The following GALE variants were observed in gnomAD, a reference collection of about 807,000 sequenced individuals.
GALE encodes UDP-glucose 4-epimerase.
In GALE, 32 loss-of-function variants were observed where a neutral mutation model predicts 44.1. The ratio of observed to expected loss-of-function variants is 0.73; its 90% CI spans 0.55 to 0.97. The LOEUF (loss-of-function observed/expected upper bound fraction) is 0.97, where lower values mean the gene tolerates loss of function less well. Ranked by LOEUF, GALE falls within the 50% of genes least tolerant of loss-of-function variation. The pLI, the probability that GALE is intolerant of heterozygous loss-of-function variation, is 0.00. For missense variants in GALE, 423 were observed against 455.6 expected, an observed-to-expected ratio of 0.93 and a Z score of 0.65; for synonymous variants, 182 against 183.5, an observed-to-expected ratio of 0.99 and a Z score of 0.06.
rs1638949138 is a variant in GALE, at chr1:23,796,356, G to A, written c.874-91C>T. 3 of 1,457,626 alleles carry A rather than the reference G, an allele frequency of 2.1e-6. No homozygotes were observed. Among genetic ancestry groups the A allele is most frequent in the South Asian group, 2.3e-5 (2 of 87,374 alleles). The allele number at this position is 1,457,626 out of a possible 1,614,324, so 90.3% of individuals were successfully genotyped here. On this transcript the variant is annotated intron_variant, in intron 10 of 11. Transcript: ENST00000617979. The surrounding 1 kb of genome is among the most constrained non-coding windows in gnomAD (Gnocchi z 5.2). ...TAAGAAGCAGAAGTGCAGAGCAGCG[G>A]CTGGCCCGCAGGCACCGGGTGCTAG...
In GALE at chr1:23,795,804, G is replaced by A. The variant is rs1638927333; in HGVS notation, c.*145C>T. ...TGGTCAGTGGAGCCCTTGGCCTCAT[G>A]CCTGGTGGGCTAAGCGGGCCCAGCT... On this transcript the variant is annotated 3_prime_UTR_variant, in exon 12 of 12. Coordinates refer to ENST00000617979, the MANE Select transcript of GALE (RefSeq NM_001008216.2). 2 of 763,210 alleles carry A rather than the reference G, an allele frequency of 2.6e-6. No individual in the cohort carries two copies. Among genetic ancestry groups the A allele is most frequent in the Admixed American group, 2.1e-5 (1 of 48,326 alleles). The allele number at this position is 763,210 out of a possible 1,614,324, so 47.3% of individuals were successfully genotyped here. A position where few individuals can be genotyped will look rare whatever the true frequency, so the allele number is the denominator to read the frequency against.
In GALE at chr1:23,796,903, T is replaced by C. The variant is rs1638974565; in HGVS notation, c.682A>G (p.Asn228Asp). Residue 228 changes from asparagine to aspartate, a missense_variant, in exon 8 of 12, where the codon AAT becomes GAT. Physicochemically the swap from Asn to Asp is conservative, Grantham distance 23. Transcript: ENST00000617979. The surrounding 1 kb of genome is among the most constrained non-coding windows in gnomAD (Gnocchi z 5.2). ...GRREALNVFG[N>D]DYDTEDGTGV... ...GTGCCATCCTCTGTGTCATAGTCAT[T>C]GCCAAAGACATTCAGGGCCTCCCGT... 6.2e-7 allele frequency: 1 copy of C among 1,613,874 alleles called. No homozygotes were observed. Among genetic ancestry groups the C allele is most frequent in the African/African-American group, 1.3e-5 (1 of 75,040 alleles).
rs759554542 is a variant in GALE, at chr1:23,798,599, C to T, written c.237+16G>A. Reference sequence around the variant, plus strand: ...GGAATTACAGGCGTGAGCCACCGTGCCCAGCCTGCACCCACCTTTTTGAAG... The same window carrying T: ...GGAATTACAGGCGTGAGCCACCGTGTCCAGCCTGCACCCACCTTTTTGAAG... On this transcript the variant is annotated intron_variant, in intron 4 of 11. Coordinates refer to ENST00000617979, the MANE Select transcript of GALE (RefSeq NM_001008216.2). The surrounding 1 kb of genome is among the most constrained non-coding windows in gnomAD (Gnocchi z 4.5). 4.4e-6 allele frequency: 7 copies of T among 1,580,816 alleles called. No homozygotes were observed. The highest frequency in any genetic ancestry group is 2.7e-5 in the African/African-American group (2 of 74,410).
intron 6 of GALE, 57 bp downstream of exon 6, chr1:23,797,638 G>A (rs986568225): frequency 1.8e-5 from 28 of 1,527,898 alleles, no homozygotes; most frequent in Non-Finnish European, 2.5e-5. Flanking sequence ...GGCTCAGGGT[G>A]GGCCCTGAGG....
rs764669674 is a variant in GALE at position 23,796,558 on chromosome 1, T to G, written c.824A>C (p.Tyr275Ser). 3.5e-5 allele frequency: 56 copies of G among 1,613,884 alleles called. No homozygotes were observed. Among genetic ancestry groups the G allele is most frequent in the Non-Finnish European group, 4.4e-5 (52 of 1,179,994 alleles). ...AGCCTGGACCATCTGCAGCACTGAA[T>G]AGCCTGTGCCCGTGCCCAGGTTGTA... is the stretch of plus-strand genomic sequence containing the variant. ...RIYNLGTGTG[Y>S]SVLQMVQAME... The change falls in exon 10 of 12, where the codon TAT becomes TCT. Residue 275 changes from tyrosine to serine, a missense_variant. Transcript: ENST00000617979. This position sits in a 1 kb window ranked among gnomAD's most constrained non-coding sequence, Gnocchi z 5.2.
chr1:23,798,951 C>T lies in GALE; in HGVS notation c.57G>A (p.Val19=). 1 of 1,614,168 alleles carries T rather than the reference C, an allele frequency of 6.2e-7. No individual in the cohort carries two copies. The highest frequency in any genetic ancestry group is 1.1e-5 in the South Asian group (1 of 91,084). The change falls in exon 3 of 12, where the codon GTG becomes GTA. Residue 19 remains valine (V), a synonymous_variant. Transcript: ENST00000617979. The surrounding 1 kb of genome is among the most constrained non-coding windows in gnomAD (Gnocchi z 4.5). ...AGTAGCCAGCCTCCAGCAGCTCCAG[C>T]ACCGTGTGGCTGCCAATGTAGCCAG... ...GGAGYIGSHT[V]LELLEAGYLP...
rs1639047692 is a variant in GALE, at chr1:23,798,871, C to A, written c.121+16G>T. The A allele has an allele frequency of 2.5e-6, 4 of 1,614,176 alleles. No individual in the cohort carries two copies. Among genetic ancestry groups the A allele is most frequent in the Non-Finnish European group, 3.4e-6 (4 of 1,180,038 alleles). On this transcript the variant is annotated intron_variant, in intron 3 of 11. Coordinates refer to ENST00000617979, the MANE Select transcript of GALE (RefSeq NM_001008216.2). This position sits in a 1 kb window ranked among gnomAD's most constrained non-coding sequence, Gnocchi z 4.5. ...GCCATCCCCTCAAGTAGCCCCAGCC[C>A]CACTGCCCCGCTCACCACGGAAGGC...
chr1:23,797,864 T>G lies in GALE; in HGVS notation c.359A>C (p.Lys120Thr), dbSNP rs1272818104. The G allele has an allele frequency of 1.2e-6, 2 of 1,614,210 alleles. No individual in the cohort carries two copies. The highest frequency in any genetic ancestry group is 4.5e-5 in the East Asian group (2 of 44,886). Reference protein sequence around the residue: ...TGTIQLLEIMKAHGVKNLVFS... With the variant: ...TGTIQLLEIMTAHGVKNLVFS... ...CACCAGGTTCTTCACCCCGTGGGCC[T>G]TCATGATCTGGCCGTGGAGAGATGG... The change falls in exon 6 of 12, where the codon AAG becomes ACG. Residue 120 changes from lysine (K) to threonine (T), a missense_variant. Lys to Thr is a moderately conservative substitution (Grantham distance 78). Coordinates refer to ENST00000617979, the MANE Select transcript of GALE (RefSeq NM_001008216.2).
At position 23,795,912 on chromosome 1, in the gene GALE, G is replaced by A. The variant is rs748703932; in HGVS notation, c.*37C>T. 17 of 1,598,524 alleles carry A rather than the reference G, an allele frequency of 1.1e-5. No individual in the cohort carries two copies. In the Admixed American group the frequency reaches 2.7e-4, roughly 25 times the overall value. ...CCTGCCAGAGGCTGGAGAGCAGGCA[G>A]CTGCTGCTTTTCCTGGTCCTTGGTA... On this transcript the variant is annotated 3_prime_UTR_variant, in exon 12 of 12. Transcript: ENST00000617979.
intron 2 of GALE, 49 bp downstream of exon 2, chr1:23,799,317 A>C: frequency 2.3e-6 from 1 of 431,562 alleles, no homozygotes. Context: ...GCCACAGCAG[A>C]GCTGGGGAGA....
chr1:23,797,170 T>TG (rs778029183), intron 6 of GALE, 23 bp from the exon 7 acceptor site: 1 of 1,552,360 alleles, frequency 6.4e-7, no homozygotes, highest in South Asian at 1.2e-5. Flanking sequence ...GGTCAGGTGG[T>TG]GAGGCCAGAG....
At chr1:23,797,191 C>T (rs770478428) in intron 6 of GALE, 44 bp from the exon 7 acceptor site, 53 of 1,377,140 alleles carry the variant, frequency 3.8e-5, no homozygotes, top group Middle Eastern at 3.6e-4. Context: ...GCACAGGCAG[C>T]GTGTCCCAGC....
chr1:23,795,758 G>GAGTT lies in GALE; in HGVS notation c.*187_*190dup. ...AACTCTTGGACCCTGTGGAAGATAA[G>GAGTT]AGTTAGAGACCTCGGCCTCCTGGTC... On this transcript the variant is annotated 3_prime_UTR_variant, in exon 12 of 12. Coordinates refer to ENST00000617979, the MANE Select transcript of GALE (RefSeq NM_001008216.2). 2 of 634,986 alleles carry GAGTT rather than the reference G, an allele frequency of 3.1e-6. No homozygotes were observed. The highest frequency in any genetic ancestry group is 1.9e-5 in the South Asian group (1 of 53,398). The allele number at this position is 634,986 out of a possible 1,614,324, so 39.3% of individuals were successfully genotyped here.
chr1:23,798,534 G>A lies in GALE; in HGVS notation c.237+81C>T, dbSNP rs767167883. On this transcript the variant is annotated intron_variant, in intron 4 of 11. Transcript: ENST00000617979. The surrounding 1 kb of genome is among the most constrained non-coding windows in gnomAD (Gnocchi z 4.5). ...TTGAGCAGGCTGGTCTTGAACACCT[G>A]GGCTCAAGTGATCTCCTCACCTCGG... The A allele has an allele frequency of 9.9e-7, 1 of 1,013,152 alleles. No homozygotes were observed. Among genetic ancestry groups the A allele is most frequent in the Non-Finnish European group, 1.6e-6 (1 of 642,378 alleles). The allele number at this position is 1,013,152 out of a possible 1,614,324, so 62.8% of individuals were successfully genotyped here. A position where few individuals can be genotyped will look rare whatever the true frequency, so the allele number is the denominator to read the frequency against.
At position 23,795,728 on chromosome 1, in the gene GALE, T is replaced by C; in HGVS notation, c.*221A>G. 1.7e-6 allele frequency: 1 copy of C among 605,710 alleles called. No homozygotes were observed. The highest frequency in any genetic ancestry group is 2.8e-5 in the East Asian group (1 of 36,214). 37.5% of individuals were successfully genotyped at this position (605,710 alleles called of 1,614,324 possible). On this transcript the variant is annotated 3_prime_UTR_variant, in exon 12 of 12. Coordinates refer to ENST00000617979, the MANE Select transcript of GALE (RefSeq NM_001008216.2). ...CCCCCTCACTCACTCTTGGGGGTCC[T>C]GATGAACTCTTGGACCCTGTGGAAG...
chr1:23,797,076 A>G lies in GALE; in HGVS notation c.600T>C (p.Asp200=). The change falls in exon 7 of 12, where the codon GAT becomes GAC. Residue 200 remains aspartate (D), a synonymous_variant. Transcript: ENST00000617979. Reference sequence around the variant, plus strand: ...TGAGGTTGTTGGGTATGCCCTGGGGATCCTCACCAATGCAGCCAGAGGCAT... The same window carrying G: ...TGAGGTTGTTGGGTATGCCCTGGGGGTCCTCACCAATGCAGCCAGAGGCAT... ...GAHASGCIGE[D]PQGIPNNLMP... is the part of the protein sequence containing the mutation. The G allele has an allele frequency of 6.2e-7, 1 of 1,613,724 alleles. No homozygotes were observed. The highest frequency in any genetic ancestry group is 2.2e-5 in the East Asian group (1 of 44,862).
rs758366642 is a variant in GALE at position 23,798,218 on chromosome 1, C to T, written c.250G>A (p.Ala84Thr). ...TTGAGCCCCGCAAAGTGGATGACCG[C>T]CATAAAGCTGTACTGCAGGGGTGAC... ...QRLFKKYSFM[A>T]VIHFAGLKAV... Residue 84 changes from alanine to threonine, a missense_variant, in exon 5 of 12, where the codon GCG becomes ACG. Ala to Thr is a moderately conservative substitution (Grantham distance 58). Transcript: ENST00000617979. The surrounding 1 kb of genome is among the most constrained non-coding windows in gnomAD (Gnocchi z 4.5). The T allele has an allele frequency of 1.9e-6, 3 of 1,613,926 alleles. No individual in the cohort carries two copies. In the South Asian group the frequency reaches 3.3e-5, roughly 18 times the overall value.
Position 23,798,752 on chromosome 1 carries a change from ACAT to A in GALE, c.122-25_122-23del. On this transcript the variant is annotated intron_variant, in intron 3 of 11. Transcript: ENST00000617979. The surrounding 1 kb of genome is among the most constrained non-coding windows in gnomAD (Gnocchi z 4.5). ...CCTCCTGGTAGGGTACATGTAGGCC[ACAT>A]CATCACGACATGGGGTGCTGTGTTC... 6.2e-7 allele frequency: 1 copy of A among 1,610,014 alleles called. No homozygotes were observed. Among genetic ancestry groups the A allele is most frequent in the Non-Finnish European group, 8.5e-7 (1 of 1,176,178 alleles).
At position 23,796,354 on chromosome 1, in the gene GALE, C is replaced by CG; in HGVS notation, c.874-90dup. ...TTTAAGAAGCAGAAGTGCAGAGCAG[C>CG]GGCTGGCCCGCAGGCACCGGGTGCT... On this transcript the variant is annotated intron_variant, in intron 10 of 11. Coordinates refer to ENST00000617979, the MANE Select transcript of GALE (RefSeq NM_001008216.2). The surrounding 1 kb of genome is among the most constrained non-coding windows in gnomAD (Gnocchi z 5.2). 6.9e-7 allele frequency: 1 copy of CG among 1,459,146 alleles called. No individual in the cohort carries two copies. Among genetic ancestry groups the CG allele is most frequent in the South Asian group, 1.1e-5 (1 of 87,380 alleles). 90.4% of individuals were successfully genotyped at this position (1,459,146 alleles called of 1,614,324 possible).
Sources: gnomAD v4.1 joint callset for allele counts on GRCh38, gnomAD v4.1.1 for gene constraint, Gnocchi (gnomAD v3.1) non-coding constraint, MANE v1.5 for transcripts, NCBI Gene and HGNC (gene_info 2026-07-23, HGNC 2026-07-21) for gene names.